CNOT7: variants seen among roughly 807,000 people sequenced by gnomAD.
CNOT7 encodes BTG1-binding factor 1.
Under a neutral mutation model 37.1 loss-of-function variants are expected in CNOT7, and 4 were observed. The ratio of observed to expected loss-of-function variants is 0.11; its 90% CI spans 0.05 to 0.25. CNOT7 has a LOEUF of 0.25. Ranked by LOEUF, CNOT7 falls within the 10% of genes least tolerant of loss-of-function variation. The pLI is 1.00. For missense variants in CNOT7, 170 were observed against 336.2 expected (o/e 0.51, Z 3.87); for synonymous variants, 128 against 115.6 (o/e 1.11, Z -0.69).
At position 17,225,849 on chromosome 8, in the gene CNOT7, CCTTTA is replaced by C; in HGVS notation, c.*4866_*4870del. 1 of 151,588 alleles carries C rather than the reference CCTTTA, an allele frequency of 6.6e-6. No individual in the cohort carries two copies. Among genetic ancestry groups the C allele is most frequent in the East Asian group, 1.9e-4 (1 of 5,156 alleles). 9.4% of individuals were successfully genotyped at this position (151,588 alleles called of 1,614,324 possible). On this transcript the variant is annotated 3_prime_UTR_variant, in exon 7 of 7. Transcript: ENST00000361272. ...CAGAATAATCAGCATTTTTCCTATC[CCTTTA>C]TTTATAAATTCTAACACATTTATTT...
intron 3 of CNOT7, among the ~76,000 whole-genome samples, chr8:17,238,379 A>G (rs1201798580): frequency 6.6e-6 from 1 of 152,198 alleles, no homozygotes; most frequent in Non-Finnish European, 1.5e-5. Context: ...TTTATTTCTA[A>G]ATGTCTGAAA....
chr8:17,236,127 A>G (rs184496884), intron 4 of CNOT7, among the ~76,000 whole-genome samples: 20 of 152,364 alleles, frequency 1.3e-4, no homozygotes, highest in Admixed American at 1.2e-3. Context: ...GATGATAGGT[A>G]AGAATGAGTG....
At chr8:17,245,562 T>A (rs769534816) in intron 1 of CNOT7, among the ~76,000 whole-genome samples, 1 of 152,202 alleles carries the variant, frequency 6.6e-6, no homozygotes, top group Non-Finnish European at 1.5e-5. Flanking sequence ...TATAAAGCCA[T>A]CCATTTCCAG....
chr8:17,234,639 A>T, intron 5 of CNOT7, 77 bp downstream of exon 5: 1 of 1,447,226 alleles, frequency 6.9e-7, no homozygotes, highest in Non-Finnish European at 9.7e-7. Context: ...TTAAAACAAC[A>T]TCCCAGCCTA....
chr8:17,233,651 C>A (rs2150975155), intron 5 of CNOT7, among the ~76,000 whole-genome samples: 1 of 152,256 alleles, frequency 6.6e-6, no homozygotes, highest in South Asian at 2.1e-4. Flanking sequence ...AGTGCTTTCA[C>A]AGGGTGGGCT....
intron 2 of CNOT7, chr8:17,243,642 C>G (rs748237693): frequency 3.3e-4 from 151 of 456,606 alleles, no homozygotes; most frequent in Non-Finnish European, 6.1e-4. Flanking sequence ...ACATCATTAG[C>G]TTCCTAATTT....
At chr8:17,244,920 T>C (rs1810690952) in intron 2 of CNOT7, 116 bp downstream of exon 2, 2 of 872,194 alleles carry the variant, frequency 2.3e-6, no homozygotes, top group Non-Finnish European at 1.8e-6. Context: ...CAAATTTTAC[T>C]TTTCATGGTG....
rs150810728 is a variant in CNOT7 at position 17,243,367 on chromosome 8, T to A, written c.118-182A>T. ...TTTAGAACCATAAAACTCTATAAAC[T>A]TAATAACCTTTCCTTAAATATATCC... On this transcript the variant is annotated intron_variant, in intron 2 of 6. Transcript: ENST00000361272. 195 of 642,294 alleles carry A rather than the reference T, an allele frequency of 3.0e-4. No homozygotes were observed. The East Asian group carries it at 5.3e-3, about 18-fold the overall frequency. 39.8% of individuals were successfully genotyped at this position (642,294 alleles called of 1,614,324 possible).
At chr8:17,238,413 TTAAAAGAGA>T (rs1809671805) in intron 3 of CNOT7, among the ~76,000 whole-genome samples, 1 of 152,066 alleles carries the variant, frequency 6.6e-6, no homozygotes, top group Non-Finnish European at 1.5e-5. Context: ...TGGAAATATT[TTAAAAGAGA>T]AGGAAACCAC....
intron 5 of CNOT7, among the ~76,000 whole-genome samples, chr8:17,234,440 TTG>T (rs980574184): frequency 2.0e-5 from 3 of 152,164 alleles, no homozygotes; most frequent in African/African-American, 7.2e-5. Context: ...GTGTTTTGGT[TTG>T]TGATTTTCAA....
chr8:17,235,100 A>ACAACACAGAC (rs1809171671), intron 4 of CNOT7, among the ~76,000 whole-genome samples: 1 of 152,178 alleles, frequency 6.6e-6, no homozygotes, highest in Non-Finnish European at 1.5e-5. Flanking sequence ...ACAGACCTAC[A>ACAACACAGAC]CTACCAAACC....
chr8:17,242,606 C>G (rs1457640551), intron 3 of CNOT7: 1 of 159,246 alleles, frequency 6.3e-6, no homozygotes, highest in Non-Finnish European at 1.4e-5. Flanking sequence ...ATGTAATCTA[C>G]TCATAAACTG....
intron 4 of CNOT7, 81 bp downstream of exon 4, chr8:17,237,131 T>C: frequency 2.2e-6 from 3 of 1,362,732 alleles, no homozygotes; most frequent in South Asian, 2.6e-5. Flanking sequence ...AAACCTGAAA[T>C]TGCTAACATA....
At chr8:17,245,570 C>T (rs1018146467) in intron 1 of CNOT7, among the ~76,000 whole-genome samples, 1 of 152,092 alleles carries the variant, frequency 6.6e-6, no homozygotes, top group Admixed American at 6.5e-5. Context: ...CATCCATTTC[C>T]AGACAAAAAA....
At chr8:17,236,039 T>G (rs1809311532) in intron 4 of CNOT7, among the ~76,000 whole-genome samples, 3 of 151,812 alleles carry the variant, frequency 2.0e-5, no homozygotes. Context: ...GAAAAATGAC[T>G]AAAAAAAAGG....
Position 17,227,069 on chromosome 8 carries a change from T to A in CNOT7, c.*3651A>T, listed in dbSNP as rs1808206961. ...GTTAAGTCCACAAGAGCAAATGAAG[T>A]TAACTGTTGACCAGTTCAGTAACAC... On this transcript the variant is annotated 3_prime_UTR_variant, in exon 7 of 7. Transcript: ENST00000361272. 6.6e-6 allele frequency: 1 copy of A among 151,678 alleles called. No homozygotes were observed. The highest frequency in any genetic ancestry group is 2.1e-4 in the South Asian group (1 of 4,838). The allele number at this position is 151,678 out of a possible 1,614,324, so 9.4% of individuals were successfully genotyped here. A position where few individuals can be genotyped will look rare whatever the true frequency, so the allele number is the denominator to read the frequency against.
intron 1 of CNOT7, chr8:17,246,429 C>G (rs1811101710): frequency 6.5e-6 from 1 of 153,118 alleles, no homozygotes; most frequent in Non-Finnish European, 1.5e-5. Context: ...CCGCCCTCCA[C>G]TCCCAATTTC....
rs1700834654 is a variant in CNOT7 at position 17,228,740 on chromosome 8, A to G, written c.*1980T>C. ...ATACAAGTTATGAGATTGAGCAACT[A>G]TGTGGCTAATAAAAAGGCAATCTTT... On this transcript the variant is annotated 3_prime_UTR_variant, in exon 7 of 7. Transcript: ENST00000361272. 6.6e-6 allele frequency: 1 copy of G among 151,958 alleles called. No homozygotes were observed. Among genetic ancestry groups the G allele is most frequent in the African/African-American group, 2.4e-5 (1 of 41,426 alleles). The allele number at this position is 151,958 out of a possible 1,614,324, so 9.4% of individuals were successfully genotyped here. A position where few individuals can be genotyped will look rare whatever the true frequency, so the allele number is the denominator to read the frequency against.
chr8:17,234,765 G>A lies in CNOT7; in HGVS notation c.569C>T (p.Pro190Leu), dbSNP rs1390932291. The change falls in exon 5 of 7, where the codon CCT becomes CTT. Residue 190 changes from proline to leucine, a missense_variant. Pro to Leu is a moderately conservative substitution (Grantham distance 98, BLOSUM62 -3). This residue lies in a region of CNOT7 where 68 missense variants were observed against 151.1 expected (regional missense o/e 0.45). Transcript: ENST00000361272. The stretch of plus-strand genomic sequence containing the variant: ...GAGGTACTTCACATCATAAATGACA[G>A]GAAAAAACAATCGAAGGATCTCAAA... ...DFFEILRLFF[P>L]VIYDVKYLMK... The A allele has an allele frequency of 1.2e-6, 2 of 1,613,964 alleles. No individual in the cohort carries two copies. Among genetic ancestry groups the A allele is most frequent in the South Asian group, 1.1e-5 (1 of 91,068 alleles).
Sources: gnomAD v4.1 joint callset for allele counts (sites outside exome capture counted in the v4.1 genomes callset) on GRCh38, gnomAD v4.1.1 for gene constraint, gnomAD v4.1.1 regional missense constraint, MANE v1.5 for transcripts, NCBI Gene and HGNC (gene_info 2026-07-23, HGNC 2026-07-21) for gene names.